Variants in LRFN5 observed in about 807,000 individuals in gnomAD.
The protein encoded by LRFN5 is leucine rich repeat and fibronectin type III domain containing 5.
LRFN5 carries 24 observed loss-of-function variants against 45.6 expected under a neutral mutation model. The observed-to-expected ratio is 0.53, with a 90% confidence interval of 0.38 to 0.74. LRFN5 has a LOEUF of 0.74. LRFN5 is among the 30% of genes least tolerant of loss of function. The pLI, the probability that LRFN5 is intolerant of heterozygous loss-of-function variation, is 0.00. For synonymous variants in LRFN5, 340 were observed against 313.8 expected (o/e 1.08, Z -0.88); for missense variants, 776 against 861.5 (o/e 0.90, Z 1.24).
chr14:41,723,952 G>T (rs941019402), intron 1 of LRFN5, among the ~76,000 whole-genome samples: 1 of 152,116 alleles, frequency 6.6e-6, no homozygotes, highest in Non-Finnish European at 1.5e-5. Flanking sequence ...ACTTTTCATG[G>T]TATCTTTCCC....
intron 2 of LRFN5, among the ~76,000 whole-genome samples, chr14:41,832,887 A>G (rs2139036825): frequency 6.6e-6 from 1 of 152,298 alleles, no homozygotes; most frequent in East Asian, 1.9e-4. Context: ...TCTTTTATGT[A>G]AGATGTTAGT....
At chr14:41,892,348 A>G (rs1890815575) in intron 4 of LRFN5, 1 of 983,564 alleles carries the variant, frequency 1.0e-6, no homozygotes, top group South Asian at 4.7e-5. Context: ...TGTATACTGG[A>G]AGGAAACATA....
At chr14:41,670,597 T>A (rs1298575459) in intron 1 of LRFN5, among the ~76,000 whole-genome samples, 1 of 151,866 alleles carries the variant, frequency 6.6e-6, no homozygotes. Flanking sequence ...ATTATGTGTG[T>A]AGAGTGAACC....
At chr14:41,650,236 T>TACACACACACACACACACACAC (rs1555351105) in intron 1 of LRFN5, among the ~76,000 whole-genome samples, 1 of 128,166 alleles carries the variant, frequency 7.8e-6, no homozygotes, top group Non-Finnish European at 1.6e-5. Context: ...TCTACAAAAA[T>TACACACACACACACACACACAC]ACACACACAC....
chr14:41,891,313 CT>C lies in LRFN5; in HGVS notation c.1451del (p.Leu484CysfsTer46). 15 of 1,614,074 alleles carry C rather than the reference CT, an allele frequency of 9.3e-6. No individual in the cohort carries two copies. Among genetic ancestry groups the C allele is most frequent in the Non-Finnish European group, 1.2e-5 (14 of 1,180,012 alleles). On this transcript the variant is annotated frameshift_variant, in exon 4 of 6. Transcript: ENST00000298119. LOFTEE classifies it high-confidence loss of function. The part of the protein sequence containing the change: ...NNLAAGTMYD[L>X]CVLAIYDDGI... Reference sequence around the variant, plus strand: ...ATCTGGCTGCTGGAACTATGTATGACTTGTGTGTCTTGGCCATATATGATGA... The same window carrying C: ...ATCTGGCTGCTGGAACTATGTATGACTGTGTGTCTTGGCCATATATGATGA...
intron 1 of LRFN5, among the ~76,000 whole-genome samples, chr14:41,763,996 A>G (rs1180865037): frequency 6.6e-6 from 1 of 152,232 alleles, no homozygotes; most frequent in Non-Finnish European, 1.5e-5. Flanking sequence ...ATAATTTTTT[A>G]TAGGATGTTC....
chr14:41,632,557 C>T lies in LRFN5; in HGVS notation c.-197+23995C>T, dbSNP rs1468828236. Among the ~76,000 whole-genome samples the T allele has an allele frequency of 2.6e-5, 4 of 152,060 alleles. No homozygotes were observed. The East Asian group carries it at 7.7e-4, about 29-fold the overall frequency. The stretch of plus-strand genomic sequence containing the variant: ...GGTGGAGGTTGCCGTGAGCCGAGAT[C>T]GCACTATTGCACTCCAGCATGGGCA... On this transcript the variant is annotated intron_variant, in intron 1 of 5. Coordinates refer to ENST00000298119, the MANE Select transcript of LRFN5 (RefSeq NM_152447.5).
At chr14:41,695,800 G>A (rs1484106603) in intron 1 of LRFN5, among the ~76,000 whole-genome samples, 2 of 151,952 alleles carry the variant, frequency 1.3e-5, no homozygotes, top group African/African-American at 2.4e-5. Flanking sequence ...AGAGATGTAC[G>A]AGGAGATTAA....
intron 2 of LRFN5, among the ~76,000 whole-genome samples, chr14:41,815,150 A>G (rs1468629552): frequency 2.0e-5 from 3 of 152,142 alleles, no homozygotes; most frequent in Non-Finnish European, 4.4e-5. Flanking sequence ...GAAGTCTCCA[A>G]CTATAATAAT....
intron 2 of LRFN5, among the ~76,000 whole-genome samples, chr14:41,768,003 T>C (rs373220644): frequency 1.3e-4 from 20 of 152,082 alleles, no homozygotes; most frequent in African/African-American, 4.6e-4. Flanking sequence ...GCACAGAAAA[T>C]TGATTGTAGG....
At chr14:41,615,147 A>G (rs1336363518) in intron 1 of LRFN5, among the ~76,000 whole-genome samples, 1 of 151,940 alleles carries the variant, frequency 6.6e-6, no homozygotes. Context: ...TCAATCTTAA[A>G]TTTTTTTTAA....
At chr14:41,792,070 A>G (rs998672477) in intron 2 of LRFN5, among the ~76,000 whole-genome samples, 2 of 152,076 alleles carry the variant, frequency 1.3e-5, no homozygotes, top group Non-Finnish European at 2.9e-5. Context: ...GAGAAAGAAT[A>G]CAAAGGGAGG....
chr14:41,866,241 C>T (rs1889837021), intron 2 of LRFN5, among the ~76,000 whole-genome samples: 1 of 152,118 alleles, frequency 6.6e-6, no homozygotes. Context: ...CTCCATCATT[C>T]ATTTTTCTTT....
At chr14:41,621,142 A>G (rs1303572890) in intron 1 of LRFN5, among the ~76,000 whole-genome samples, 3 of 152,112 alleles carry the variant, frequency 2.0e-5, no homozygotes, top group Non-Finnish European at 2.9e-5. Context: ...AAAAGAAAAG[A>G]GTCCTAATTT....
In LRFN5 at chr14:41,898,944, T is replaced by C; in HGVS notation, c.2126T>C (p.Ile709Thr). The change falls in exon 5 of 6, where the codon ATT (isoleucine) becomes ACT (threonine). Residue 709 changes from isoleucine (I) to threonine (T), a missense_variant. Coordinates refer to ENST00000298119, the MANE Select transcript of LRFN5 (RefSeq NM_152447.5). Reference protein sequence around the residue: ...PNALLTNVDQIVQETQRLELI With the variant: ...PNALLTNVDQTVQETQRLELI ...GCTTTGCTGACTAATGTTGACCAGA[T>C]TGTCCAGGAAACACAGGTGAGATTC... is the stretch of plus-strand genomic sequence containing the variant. 6.2e-7 allele frequency: 1 copy of C among 1,611,450 alleles called. No homozygotes were observed. The highest frequency in any genetic ancestry group is 8.5e-7 in the Non-Finnish European group (1 of 1,178,768).
At chr14:41,667,524 T>G (rs1270447359) in intron 1 of LRFN5, among the ~76,000 whole-genome samples, 1 of 152,130 alleles carries the variant, frequency 6.6e-6, no homozygotes, top group Non-Finnish European at 1.5e-5. Context: ...AATGTGTAGC[T>G]CTAGTGCTCA....
intron 1 of LRFN5, among the ~76,000 whole-genome samples, chr14:41,721,481 A>C (rs1883710803): frequency 6.6e-6 from 1 of 152,054 alleles, no homozygotes; most frequent in African/African-American, 2.4e-5. Flanking sequence ...CTATGTACTT[A>C]AGTGTGTTTT....
At chr14:41,850,898 AT>A (rs1374733672) in intron 2 of LRFN5, among the ~76,000 whole-genome samples, 2 of 151,820 alleles carry the variant, frequency 1.3e-5, no homozygotes, top group South Asian at 2.1e-4. Context: ...AGAAAAAAAA[AT>A]ATGTGTTACT....
chr14:41,677,782 G>C (rs1318724464), intron 1 of LRFN5, among the ~76,000 whole-genome samples: 1 of 152,018 alleles, frequency 6.6e-6, no homozygotes, highest in Non-Finnish European at 1.5e-5. Context: ...TATGTTGTGA[G>C]TATCAAAAGA....
Sources: gnomAD v4.1 joint callset for allele counts (sites outside exome capture counted in the v4.1 genomes callset) on GRCh38, gnomAD v4.1.1 for gene constraint, MANE v1.5 for transcripts, NCBI Gene and HGNC (gene_info 2026-07-23, HGNC 2026-07-21) for gene names.